The following SGCD variants were observed in gnomAD, a reference collection of about 807,000 sequenced individuals.
SGCD encodes sarcoglycan delta, also known as delta-sarcoglycan.
In SGCD, 18 loss-of-function variants were observed where a neutral mutation model predicts 36.6. The ratio of observed to expected loss-of-function variants is 0.49; its 90% CI spans 0.34 to 0.73. SGCD has a LOEUF of 0.73. Ranked by LOEUF, SGCD falls within the 30% of genes least tolerant of loss-of-function variation. SGCD has a pLI of 0.01. For synonymous variants in SGCD, 133 were observed against 130.6 expected (o/e 1.02, Z -0.12); for missense variants, 387 against 346.7 (o/e 1.12, Z -0.92).
the SGCD span, among the ~76,000 whole-genome samples, chr5:155,757,369 A>G: frequency 6.6e-6 from 1 of 152,204 alleles, no homozygotes; most frequent in African/African-American, 2.4e-5. Flanking sequence ...GCAATATTTT[A>G]CCCATCTTTG....
chr5:156,442,190 C>T (rs750193099), intron 3 of SGCD, among the ~76,000 whole-genome samples: 2 of 152,120 alleles, frequency 1.3e-5, no homozygotes, highest in African/African-American at 2.4e-5. Context: ...AGAAATTGTG[C>T]GTTGTTTTTC....
At chr5:156,475,112 A>G (rs1178558917) in intron 3 of SGCD, among the ~76,000 whole-genome samples, 6 of 152,188 alleles carry the variant, frequency 3.9e-5, no homozygotes, top group Non-Finnish European at 8.8e-5. Flanking sequence ...TGACTATTCA[A>G]TAAGTCCCCT....
At chr5:156,490,048 C>T (rs1452780163) in intron 3 of SGCD, among the ~76,000 whole-genome samples, 1 of 151,804 alleles carries the variant, frequency 6.6e-6, no homozygotes. Context: ...ACTGATCCGA[C>T]ACAAATGCAA....
At chr5:156,626,060 C>T (rs1398979143) in intron 6 of SGCD, among the ~76,000 whole-genome samples, 1 of 152,060 alleles carries the variant, frequency 6.6e-6, no homozygotes, top group East Asian at 1.9e-4. Context: ...GGGGTTGCTA[C>T]TGACATCTAA....
chr5:156,283,866 G>A (rs1766524162), intron 3 of SGCD, among the ~76,000 whole-genome samples: 1 of 152,118 alleles, frequency 6.6e-6, no homozygotes, highest in Non-Finnish European at 1.5e-5. Flanking sequence ...TCTGTTTGAC[G>A]CTGAGGAGAG....
chr5:155,928,877 A>G (rs1664909326), intron 1 of SGCD, among the ~76,000 whole-genome samples: 1 of 152,104 alleles, frequency 6.6e-6, no homozygotes, highest in South Asian at 2.1e-4. Flanking sequence ...ATATCTTTAA[A>G]TATGTATGAA....
chr5:155,843,812 G>A, the SGCD span, among the ~76,000 whole-genome samples: 1 of 152,194 alleles, frequency 6.6e-6, no homozygotes, highest in Admixed American at 6.5e-5. Flanking sequence ...TGAACCCCCA[G>A]TGGCTGCCTA....
intron 6 of SGCD, among the ~76,000 whole-genome samples, chr5:156,611,269 G>T (rs1761791687): frequency 6.6e-6 from 1 of 152,190 alleles, no homozygotes; most frequent in Admixed American, 6.5e-5. Flanking sequence ...TTCATTTCCA[G>T]GTGTGGCACT....
At chr5:156,411,230 T>C (rs1004146637) in intron 3 of SGCD, among the ~76,000 whole-genome samples, 3 of 152,198 alleles carry the variant, frequency 2.0e-5, no homozygotes, top group African/African-American at 7.2e-5. Context: ...CACCATTTAT[T>C]TCTTGGCCTC....
chr5:156,711,015 T>A (rs1175802653), intron 7 of SGCD, among the ~76,000 whole-genome samples: 1 of 152,214 alleles, frequency 6.6e-6, no homozygotes, highest in African/African-American at 2.4e-5. Context: ...AGGTTAGAAT[T>A]TGGTATCTTA....
At chr5:156,374,629 C>T (rs994270482) in intron 3 of SGCD, among the ~76,000 whole-genome samples, 20 of 151,624 alleles carry the variant, frequency 1.3e-4, no homozygotes, top group Admixed American at 9.2e-4. Flanking sequence ...GCAGAAGCTT[C>T]CTGCATGAAT....
At chr5:155,807,489 T>A in the SGCD span, among the ~76,000 whole-genome samples, 1 of 152,242 alleles carries the variant, frequency 6.6e-6, no homozygotes, top group Non-Finnish European at 1.5e-5. Context: ...GCCAGTAAAT[T>A]GTGTGTTTAA....
chr5:155,739,352 CA>C, the SGCD span, among the ~76,000 whole-genome samples: 1 of 152,162 alleles, frequency 6.6e-6, no homozygotes, highest in Non-Finnish European at 1.5e-5. Context: ...GTGAGTTTCA[CA>C]GTTGAGAACC....
chr5:155,846,776 T>C, the SGCD span, among the ~76,000 whole-genome samples: 1 of 152,252 alleles, frequency 6.6e-6, no homozygotes, highest in Non-Finnish European at 1.5e-5. Flanking sequence ...CTTCTAATGC[T>C]GCTGCCTGCT....
At chr5:155,827,473 C>T in the SGCD span, among the ~76,000 whole-genome samples, 1 of 152,096 alleles carries the variant, frequency 6.6e-6, no homozygotes, top group African/African-American at 2.4e-5. Context: ...ATAACATATA[C>T]ATTGCAGCCA....
chr5:155,957,436 G>A (rs905944490), intron 1 of SGCD, among the ~76,000 whole-genome samples: 7 of 152,108 alleles, frequency 4.6e-5, no homozygotes, highest in Non-Finnish European at 1.0e-4. Flanking sequence ...CTCAAGGCAG[G>A]ATTACAGTTC....
intron 4 of SGCD, among the ~76,000 whole-genome samples, chr5:156,548,063 G>C (rs1758651808): frequency 6.6e-6 from 1 of 152,188 alleles, no homozygotes; most frequent in African/African-American, 2.4e-5. Flanking sequence ...AGCATCAGCT[G>C]TTTCTAACTG....
intron 6 of SGCD, among the ~76,000 whole-genome samples, chr5:156,634,458 GCAACAACAACAA>G (rs369295537): frequency 6.6e-6 from 1 of 151,812 alleles, no homozygotes. Context: ...AAGGAAAACA[GCAACAACAACAA>G]CAACAACAAC....
At chr5:156,175,434 T>C (rs1021119149) in intron 3 of SGCD, among the ~76,000 whole-genome samples, 4 of 152,138 alleles carry the variant, frequency 2.6e-5, no homozygotes, top group African/African-American at 2.4e-5. Context: ...TCGTGTACCT[T>C]AACATTTACC....
Sources: gnomAD v4.1 joint callset for allele counts (sites outside exome capture counted in the v4.1 genomes callset) on GRCh38, gnomAD v4.1.1 for gene constraint, MANE v1.5 for transcripts, NCBI Gene and HGNC (gene_info 2026-07-23, HGNC 2026-07-21) for gene names.